CAST: variants seen among roughly 807,000 people sequenced by gnomAD.
CAST encodes the protein MIR583 host.
CAST carries 76 observed loss-of-function variants against 119.6 expected under a neutral mutation model. The ratio of observed to expected loss-of-function variants is 0.64; its 90% CI spans 0.53 to 0.77. CAST has a LOEUF of 0.77. CAST is among the 30% of genes least tolerant of loss of function. The probability of loss-of-function intolerance (pLI) is 0.00; values close to 1 mark genes in which losing one functional copy is unlikely to be tolerated. For synonymous variants in CAST, 319 were observed against 331.6 expected, an observed-to-expected ratio of 0.96 and a Z score of 0.41; for missense variants, 953 against 946.5, an observed-to-expected ratio of 1.01 and a Z score of -0.09.
At chr5:96,446,572 G>C in the CAST span, among the ~76,000 whole-genome samples, 1 of 152,158 alleles carries the variant, frequency 6.6e-6, no homozygotes, top group Non-Finnish European at 1.5e-5. Context: ...AACACAAAAG[G>C]AAAATAAGCA....
At chr5:96,422,980 G>T in the CAST span, among the ~76,000 whole-genome samples, 1 of 151,574 alleles carries the variant, frequency 6.6e-6, no homozygotes, top group African/African-American at 2.4e-5. Flanking sequence ...ATGATCTCAG[G>T]CAAGGGGCTT....
At chr5:96,755,206 G>GC (rs1561589144) in intron 22 of CAST, 1 of 153,556 alleles carries the variant, frequency 6.5e-6, no homozygotes, top group Non-Finnish European at 1.4e-5. Flanking sequence ...AGGCATGGTG[G>GC]CATGTGCCTG....
At chr5:96,514,924 G>C in the CAST span, among the ~76,000 whole-genome samples, 4 of 152,036 alleles carry the variant, frequency 2.6e-5, no homozygotes, top group African/African-American at 4.8e-5. Context: ...GCTAATTTTT[G>C]TATTTTTAGT....
chr5:96,351,829 A>G, the CAST span, among the ~76,000 whole-genome samples: 1 of 151,778 alleles, frequency 6.6e-6, no homozygotes, highest in Non-Finnish European at 1.5e-5. Context: ...TTAGGGATAG[A>G]GAAGAAGGTG....
At chr5:96,225,286 T>A in the CAST span, among the ~76,000 whole-genome samples, 4 of 152,122 alleles carry the variant, frequency 2.6e-5, no homozygotes. Context: ...TTTTTTTCCT[T>A]ACTTTCTCTC....
chr5:96,081,910 CTTTA>C, the CAST span, among the ~76,000 whole-genome samples: 2 of 152,030 alleles, frequency 1.3e-5, no homozygotes, highest in East Asian at 1.9e-4. Flanking sequence ...GGCACAAAGT[CTTTA>C]TTTATTTATT....
the CAST span, among the ~76,000 whole-genome samples, chr5:96,069,355 A>ATGTGTG: frequency 8.5e-5 from 12 of 141,694 alleles, no homozygotes; most frequent in South Asian, 4.4e-4. Flanking sequence ...GTGTGTATGT[A>ATGTGTG]TGTGTGTGTG....
At chr5:96,486,347 A>G in the CAST span, among the ~76,000 whole-genome samples, 2 of 152,154 alleles carry the variant, frequency 1.3e-5, no homozygotes, top group Non-Finnish European at 2.9e-5. Flanking sequence ...GCCAAGTCTG[A>G]ATTCCCAGAT....
the CAST span, among the ~76,000 whole-genome samples, chr5:96,172,486 T>C: frequency 6.6e-6 from 1 of 152,196 alleles, no homozygotes; most frequent in South Asian, 2.1e-4. Flanking sequence ...CAAATATACA[T>C]GGTATATGGC....
At chr5:96,236,151 A>G in the CAST span, among the ~76,000 whole-genome samples, 3 of 152,046 alleles carry the variant, frequency 2.0e-5, no homozygotes, top group Admixed American at 1.3e-4. Context: ...CCATCCATCC[A>G]TCTATCTACC....
the CAST span, among the ~76,000 whole-genome samples, chr5:96,167,068 C>T: frequency 1.6e-4 from 24 of 152,032 alleles, no homozygotes; most frequent in South Asian, 2.1e-4. Context: ...GGCCTGGATA[C>T]GGTTTTGTAT....
At chr5:96,756,759 G>A (rs1165641903) in intron 22 of CAST, among the ~76,000 whole-genome samples, 4 of 152,102 alleles carry the variant, frequency 2.6e-5, no homozygotes, top group African/African-American at 9.7e-5. Context: ...ACTTATTTTT[G>A]TGTAGGTGGA....
chr5:96,630,040 TGTCA>T (rs1265837311), intron 1 of CAST, among the ~76,000 whole-genome samples: 1 of 152,216 alleles, frequency 6.6e-6, no homozygotes, highest in Non-Finnish European at 1.5e-5. Flanking sequence ...TTGAGATATC[TGTCA>T]CAGCTTCCTG....
chr5:96,214,520 A>G, the CAST span, among the ~76,000 whole-genome samples: 1 of 152,234 alleles, frequency 6.6e-6, no homozygotes, highest in Non-Finnish European at 1.5e-5. Context: ...TAAGTTCTGA[A>G]TGAATTGCAA....
At chr5:96,364,914 T>C in the CAST span, among the ~76,000 whole-genome samples, 2 of 152,326 alleles carry the variant, frequency 1.3e-5, no homozygotes, top group African/African-American at 4.8e-5. Context: ...AATTGTGATG[T>C]TAGGGTGTCA....
chr5:96,574,790 T>C (rs372515940), intron 1 of CAST, among the ~76,000 whole-genome samples: 7 of 152,352 alleles, frequency 4.6e-5, no homozygotes, highest in Admixed American at 1.3e-4. Context: ...AAAAGACTGC[T>C]ATCCTCCCAC....
the CAST span, among the ~76,000 whole-genome samples, chr5:96,386,005 C>T: frequency 1.3e-5 from 2 of 152,082 alleles, no homozygotes; most frequent in Non-Finnish European, 2.9e-5. Flanking sequence ...AACATGTTAC[C>T]CCTCAGTGTC....
At chr5:96,645,165 C>G (rs750755712) in intron 1 of CAST, among the ~76,000 whole-genome samples, 1 of 152,092 alleles carries the variant, frequency 6.6e-6, no homozygotes, top group Non-Finnish European at 1.5e-5. Context: ...ATGCCCTTGA[C>G]AGTTGGAGTA....
At chr5:96,377,161 A>T in the CAST span, among the ~76,000 whole-genome samples, 2 of 151,958 alleles carry the variant, frequency 1.3e-5, no homozygotes, top group Non-Finnish European at 2.9e-5. Flanking sequence ...TCATTTTTTT[A>T]AATTAAAATT....
Sources: gnomAD v4.1 joint callset for allele counts (sites outside exome capture counted in the v4.1 genomes callset) on GRCh38, gnomAD v4.1.1 for gene constraint, MANE v1.5 for transcripts, NCBI Gene and HGNC (gene_info 2026-07-23, HGNC 2026-07-21) for gene names.